TNN: variants seen among roughly 807,000 people sequenced by gnomAD.
The protein encoded by TNN is tenascin N, also known as tenascin-N.
A neutral mutation model predicts 134.4 loss-of-function variants in TNN; 122 were observed. The observed-to-expected ratio is 0.91, with a 90% CI of 0.78 to 1.06. The LOEUF is 1.06. Ranked by LOEUF, TNN falls within the 50% of genes least tolerant of loss-of-function variation. The probability of loss-of-function intolerance (pLI) is 0.00; values close to 1 mark genes in which losing one functional copy is unlikely to be tolerated. For missense variants in TNN, 1,739 were observed against 1,699.4 expected, an observed-to-expected ratio of 1.02 and a Z score of -0.41; for synonymous variants, 710 against 670.3, an observed-to-expected ratio of 1.06 and a Z score of -0.91.
intron 6 of TNN, among the ~76,000 whole-genome samples, chr1:175,087,206 G>A (rs2149429663): frequency 6.6e-6 from 1 of 152,242 alleles, no homozygotes; most frequent in African/African-American, 2.4e-5. Flanking sequence ...AACAATCTGT[G>A]GTCTGTACCT....
At position 175,098,697 on chromosome 1, in the gene TNN, G is replaced by T. The variant is rs559151213; in HGVS notation, c.2119+102G>T. 1.8e-5 allele frequency: 27 copies of T among 1,534,754 alleles called. No individual in the cohort carries two copies. The South Asian group carries it at 2.9e-4, about 17-fold the overall frequency. On this transcript the variant is annotated intron_variant, in intron 9 of 18. Coordinates refer to ENST00000239462, the MANE Select transcript of TNN (RefSeq NM_022093.2). ...GCATAAAGGGGGACTTTATGGAAGA[G>T]CAGGTTGGTATCCTCCCATAATACA...
intron 4 of TNN, among the ~76,000 whole-genome samples, chr1:175,082,466 A>G (rs2149428051): frequency 1.3e-5 from 2 of 152,158 alleles, no homozygotes; most frequent in African/African-American, 4.8e-5. Context: ...CCATGTAGGA[A>G]CTCTTATATA....
In TNN at chr1:175,104,838, G is replaced by A. The variant is rs867897243; in HGVS notation, c.2119+6243G>A. Among the ~76,000 whole-genome samples the A allele has an allele frequency of 3.6e-4, 52 of 146,016 alleles. 4 individuals are homozygous for A. Among genetic ancestry groups the A allele is most frequent in the Middle Eastern group, 3.5e-3 (1 of 284 alleles). The stretch of plus-strand genomic sequence containing the variant: ...TATTTTCTTAAGGCCTCTTGTAGCC[G>A]CTCGAGGAAGGCAGAAGGATTTTCT... On this transcript the variant is annotated intron_variant, in intron 9 of 18. Transcript: ENST00000239462.
chr1:175,101,131 A>G (rs926117401), intron 9 of TNN, among the ~76,000 whole-genome samples: 1 of 151,920 alleles, frequency 6.6e-6, no homozygotes, highest in Non-Finnish European at 1.5e-5. Flanking sequence ...GAAGCTGCGG[A>G]CCCTCGCGGT....
chr1:175,146,161 T>C (rs1676064392), intron 18 of TNN, among the ~76,000 whole-genome samples: 1 of 152,164 alleles, frequency 6.6e-6, no homozygotes, highest in African/African-American at 2.4e-5. Context: ...TGAATCATGG[T>C]GGCAGCGTGT....
At position 175,106,992 on chromosome 1, in the gene TNN, G is replaced by A. The variant is rs561473136; in HGVS notation, c.2119+8397G>A. On this transcript the variant is annotated intron_variant, in intron 9 of 18. Coordinates refer to ENST00000239462, the MANE Select transcript of TNN (RefSeq NM_022093.2). ...TTCTAAAGAAAGATAGGACAGAATA[G>A]CAAGTGAAAGGGGTCCGATGGTACT... Among the ~76,000 whole-genome samples, 156 of 146,258 alleles carry A rather than the reference G, an allele frequency of 1.1e-3. 14 individuals carry two copies. In the Middle Eastern group the frequency reaches 0.038, roughly 36 times the overall value.
At chr1:175,092,794 C>G (rs188823388) in intron 6 of TNN, among the ~76,000 whole-genome samples, 1 of 152,294 alleles carries the variant, frequency 6.6e-6, no homozygotes, top group African/African-American at 2.4e-5. Flanking sequence ...TTGCAAATTA[C>G]TTGGGCCCCA....
chr1:175,122,985 G>A (rs950088868), intron 11 of TNN, among the ~76,000 whole-genome samples: 1 of 152,144 alleles, frequency 6.6e-6, no homozygotes, highest in Non-Finnish European at 1.5e-5. Flanking sequence ...ATTTCCCTGG[G>A]CCTCCATTCT....
At chr1:175,136,788 A>G in intron 16 of TNN, 33 bp from the exon 17 acceptor site, 1 of 1,604,552 alleles carries the variant, frequency 6.2e-7, no homozygotes, top group Non-Finnish European at 8.5e-7. Context: ...ACATGGGTTG[A>G]TTGATTATTG....
chr1:175,134,655 C>T (rs1337554634), intron 15 of TNN, among the ~76,000 whole-genome samples: 1 of 152,288 alleles, frequency 6.6e-6, no homozygotes, highest in East Asian at 1.9e-4. Context: ...GAGTCATCTG[C>T]AAGCCCATAC....
chr1:175,137,790 TATTTA>T (rs1675851067), intron 17 of TNN, among the ~76,000 whole-genome samples: 1 of 152,264 alleles, frequency 6.6e-6, no homozygotes, highest in Non-Finnish European at 1.5e-5. Context: ...GACTTTGGTG[TATTTA>T]CACAGGAATG....
At chr1:175,083,671 G>A (rs1332803979) in intron 4 of TNN, 79 bp from the exon 5 acceptor site, 7 of 1,396,006 alleles carry the variant, frequency 5.0e-6, no homozygotes, top group Non-Finnish European at 5.9e-6. Flanking sequence ...GAGCTGACCT[G>A]ATAACCAACA....
intron 10 of TNN, 24 bp from the exon 11 acceptor site, chr1:175,118,537 A>G (rs976529131): frequency 6.2e-7 from 1 of 1,606,918 alleles, no homozygotes; most frequent in South Asian, 1.1e-5. Context: ...CATAGTGCAT[A>G]TTGGTCAGCA....
rs757131041 is a variant in TNN at position 175,127,061 on chromosome 1, C to G, written c.3021C>G (p.Tyr1007Ter). 1 of 1,614,032 alleles carries G rather than the reference C, an allele frequency of 6.2e-7. No homozygotes were observed. Among genetic ancestry groups the G allele is most frequent in the East Asian group, 2.2e-5 (1 of 44,874 alleles). ...AGATCCACGGCTACATTCTGACTTA[C>G]CAGTTCCCAGATGGCACAGTTAAGG... ...SAQIHGYILT[Y>*]QFPDGTVKEM... The change falls in exon 13 of 19, where the codon TAC becomes TAG. Residue 1007 changes from tyrosine (Y) to a stop codon, truncating the protein, a stop_gained. Transcript: ENST00000239462. LOFTEE classifies it high-confidence loss of function.
At chr1:175,145,707 C>T (rs1005440255) in intron 18 of TNN, among the ~76,000 whole-genome samples, 3 of 151,930 alleles carry the variant, frequency 2.0e-5, no homozygotes, top group African/African-American at 4.8e-5. Flanking sequence ...TGGGAGTGTG[C>T]GCCCAGGGCC....
chr1:175,094,359 G>T, intron 7 of TNN, 106 bp downstream of exon 7: 1 of 1,172,572 alleles, frequency 8.5e-7, no homozygotes, highest in South Asian at 2.8e-5. Flanking sequence ...TTTGTTTGCA[G>T]GAGTGGGGAG....
intron 17 of TNN, 132 bp from the exon 18 acceptor site, chr1:175,144,255 G>T (rs776751393): frequency 5.6e-5 from 45 of 806,000 alleles, no homozygotes; most frequent in Non-Finnish European, 8.6e-5. Context: ...TGAGAGAGCG[G>T]TGACTACCTG....
chr1:175,085,735 G>A (rs778753006), intron 6 of TNN, among the ~76,000 whole-genome samples: 2 of 152,106 alleles, frequency 1.3e-5, no homozygotes, highest in Admixed American at 6.5e-5. Flanking sequence ...TAAGCTGGGC[G>A]TGGTGGCGCA....
At chr1:175,124,319 TA>T (rs1010835731) in intron 12 of TNN, among the ~76,000 whole-genome samples, 1 of 152,170 alleles carries the variant, frequency 6.6e-6, no homozygotes, top group African/African-American at 2.4e-5. Context: ...ATTTTTAATC[TA>T]AAAAGTAATA....
Sources: allele counts gnomAD v4.1 joint callset (sites outside exome capture counted in the v4.1 genomes callset), GRCh38; gene constraint gnomAD v4.1.1; transcripts MANE v1.5; gene names NCBI Gene and HGNC (gene_info 2026-07-23, HGNC 2026-07-21).